RIPOR2: variants seen among roughly 807,000 people sequenced by gnomAD.
RIPOR2 encodes rho family-interacting cell polarization regulator 2.
Under a neutral mutation model 114.5 loss-of-function variants are expected in RIPOR2, and 39 were observed. The ratio of observed to expected loss-of-function variants is 0.34; its 90% CI spans 0.26 to 0.44. The LOEUF (loss-of-function observed/expected upper bound fraction) is 0.44. Ranked by LOEUF, RIPOR2 falls within the 20% of genes least tolerant of loss-of-function variation. RIPOR2 has a pLI of 1.00. For missense variants in RIPOR2, 1,007 were observed against 1,255.1 expected, an observed-to-expected ratio of 0.80 and a Z score of 2.99; for synonymous variants, 445 against 484.4, an observed-to-expected ratio of 0.92 and a Z score of 1.07.
chr6:25,006,658 G>A (rs575972847), intron 1 of RIPOR2, among the ~76,000 whole-genome samples: 5 of 152,250 alleles, frequency 3.3e-5, no homozygotes, highest in South Asian at 2.1e-4. Context: ...TGTGGAGTAC[G>A]GACTGTACCA....
chr6:25,033,117 C>T (rs374006064), intron 1 of RIPOR2, among the ~76,000 whole-genome samples: 76 of 152,036 alleles, frequency 5.0e-4, no homozygotes, highest in African/African-American at 1.7e-3. Context: ...GGTAGGAAGA[C>T]GGCTTGATCC....
exon 1 of RIPOR2, chr6:25,041,871 A>T (rs1189310952): frequency 1.4e-6 from 1 of 702,902 alleles, no homozygotes; most frequent in Non-Finnish European, 2.6e-6. Context: ...GCGCCTCCGG[A>T]TCCTGTCCCT....
intron 16 of RIPOR2, among the ~76,000 whole-genome samples, chr6:24,831,638 A>G (rs1167393765): frequency 6.6e-6 from 1 of 152,196 alleles, no homozygotes; most frequent in Non-Finnish European, 1.5e-5. Context: ...GGGAGAAGAT[A>G]GAGGAAGTTT....
At chr6:25,002,446 A>G (rs186929697) in intron 1 of RIPOR2, among the ~76,000 whole-genome samples, 10 of 152,344 alleles carry the variant, frequency 6.6e-5, no homozygotes, top group African/African-American at 2.4e-4. Context: ...AATATGTTCA[A>G]CATGCTTTAG....
intron 1 of RIPOR2, among the ~76,000 whole-genome samples, chr6:24,961,826 C>G (rs1773322952): frequency 6.6e-6 from 1 of 152,006 alleles, no homozygotes; most frequent in Admixed American, 6.6e-5. Flanking sequence ...GGGGTTTTCC[C>G]ATGTTGGTCA....
chr6:25,024,250 G>C, intron 1 of RIPOR2: 2 of 1,536,202 alleles, frequency 1.3e-6, no homozygotes, highest in South Asian at 2.2e-5. Flanking sequence ...GTGCTGGACT[G>C]GATGGCCGGC....
chr6:24,862,483 C>T (rs989318084), intron 7 of RIPOR2, among the ~76,000 whole-genome samples: 2 of 152,198 alleles, frequency 1.3e-5, no homozygotes, highest in Non-Finnish European at 2.9e-5. Context: ...CAAATGATCA[C>T]TCTCATGGGA....
chr6:25,002,937 C>T (rs1775384455), intron 1 of RIPOR2, among the ~76,000 whole-genome samples: 1 of 152,146 alleles, frequency 6.6e-6, no homozygotes, highest in Non-Finnish European at 1.5e-5. Context: ...TGCAAAAGAT[C>T]CAAGTACAAA....
At chr6:24,838,527 C>A (rs975816272) in intron 14 of RIPOR2, among the ~76,000 whole-genome samples, 2 of 152,182 alleles carry the variant, frequency 1.3e-5, no homozygotes, top group Non-Finnish European at 2.9e-5. Flanking sequence ...CATAGTGGCT[C>A]ACACCTGCAA....
chr6:24,963,987 G>A (rs565461540), intron 1 of RIPOR2, among the ~76,000 whole-genome samples: 3 of 152,152 alleles, frequency 2.0e-5, no homozygotes, highest in African/African-American at 4.8e-5. Flanking sequence ...GGACTAAAGC[G>A]ATCCTCCCCT....
intron 1 of RIPOR2, among the ~76,000 whole-genome samples, chr6:24,963,481 G>A (rs1049921103): frequency 7.9e-5 from 12 of 152,138 alleles, no homozygotes; most frequent in Admixed American, 3.9e-4. Flanking sequence ...AAGAACAAGT[G>A]TAAAATAATA....
chr6:24,891,712 C>T (rs1040150911), intron 1 of RIPOR2, among the ~76,000 whole-genome samples: 1 of 152,094 alleles, frequency 6.6e-6, no homozygotes, highest in Non-Finnish European at 1.5e-5. Flanking sequence ...AGGCACTATC[C>T]CATTGGTTCC....
At position 24,875,890 on chromosome 6, in the gene RIPOR2, A is replaced by G. The variant is rs2295196; in HGVS notation, c.62-73T>C. ...AGAAGATGCACTAAGCTTGTCAACA[A>G]TGATAAAGGATGTAAAGTAAGCCAT... On this transcript the variant is annotated intron_variant, in intron 1 of 21. Coordinates refer to ENST00000643898, the MANE Select transcript of RIPOR2 (RefSeq NM_001286445.3). The G allele has an allele frequency of 6.5e-3, 8,934 of 1,368,320 alleles. 57 individuals carry two copies. The highest frequency in any genetic ancestry group is 0.019 in the South Asian group (1,452 of 77,822). 84.8% of individuals were successfully genotyped at this position (1,368,320 alleles called of 1,614,324 possible).
upstream of RIPOR2, among the ~76,000 whole-genome samples, chr6:24,936,363 T>C (rs899311359): frequency 2.0e-5 from 3 of 152,246 alleles, no homozygotes; most frequent in African/African-American, 7.2e-5. Context: ...CAAGCCACTA[T>C]GTTAAACCAA....
intron 7 of RIPOR2, among the ~76,000 whole-genome samples, chr6:24,861,459 A>T (rs1021152956): frequency 3.9e-5 from 6 of 152,228 alleles, no homozygotes; most frequent in African/African-American, 1.4e-4. Flanking sequence ...AAAAGACATT[A>T]TTGATCCAAA....
intron 1 of RIPOR2, among the ~76,000 whole-genome samples, chr6:25,016,372 A>G (rs1776002881): frequency 6.6e-6 from 1 of 152,222 alleles, no homozygotes; most frequent in South Asian, 2.1e-4. Context: ...AGCGATTTAA[A>G]GTAGAGAATA....
In RIPOR2 at chr6:24,914,594, T is replaced by C. The variant is rs532144430; in HGVS notation, c.61+21244A>G. ...TTTTTATACCATAAAACAAAGTGTT[T>C]GAACTTCAGCAGCACTGAAAATGGC... On this transcript the variant is annotated intron_variant, in intron 1 of 21. Transcript: ENST00000643898. Among the ~76,000 whole-genome samples, 5 of 152,300 alleles carry C rather than the reference T, an allele frequency of 3.3e-5. No homozygotes were observed. The South Asian group carries it at 1.0e-3, about 32-fold the overall frequency.
At position 24,806,539 on chromosome 6, in the gene RIPOR2, CAT is replaced by C. The variant is rs551193791; in HGVS notation, c.3044-68_3044-67del. The C allele has an allele frequency of 3.5e-4, 418 of 1,209,948 alleles. 1 individual carries two copies. In the African/African-American group the frequency reaches 5.6e-3, roughly 16 times the overall value. 75.0% of individuals were successfully genotyped at this position (1,209,948 alleles called of 1,614,324 possible). On this transcript the variant is annotated intron_variant, in intron 21 of 21. Transcript: ENST00000643898. ...CGTTTTTATTAATTACTCAAAGTAA[CAT>C]AGTGCCATTTGTTTAGGGATGGGTT...
At chr6:24,850,097 CTTTT>C (rs5875008) in intron 10 of RIPOR2, 147 bp from the exon 11 acceptor site, 865 of 435,564 alleles carry the variant, frequency 2.0e-3, no homozygotes, top group Non-Finnish European at 2.3e-3. Context: ...TTTTCTTTTT[CTTTT>C]TTTTTTTTTT....
Sources: gnomAD v4.1 joint callset for allele counts (sites outside exome capture counted in the v4.1 genomes callset) on GRCh38, gnomAD v4.1.1 for gene constraint, MANE v1.5 for transcripts, NCBI Gene and HGNC (gene_info 2026-07-23, HGNC 2026-07-21) for gene names.